CADPS2: variants seen among roughly 807,000 people sequenced by gnomAD.
CADPS2 encodes calcium dependent secretion activator 2, also known as calcium-dependent secretion activator 2.
A neutral mutation model predicts 172.5 loss-of-function variants in CADPS2; 93 were observed. The ratio of observed to expected loss-of-function variants is 0.54; its 90% CI spans 0.46 to 0.64. The LOEUF is 0.64. Among genes scored for constraint, CADPS2 ranks in the 30% least tolerant of loss-of-function variants. The pLI, the probability that CADPS2 is intolerant of heterozygous loss-of-function variation, is 0.00. For synonymous variants in CADPS2, 546 were observed against 555.2 expected, an observed-to-expected ratio of 0.98 and a Z score of 0.23; for missense variants, 1,420 against 1,565.9, an observed-to-expected ratio of 0.91 and a Z score of 1.57.
chr7:122,524,102 A>G (rs2061020773), intron 8 of CADPS2, among the ~76,000 whole-genome samples: 1 of 152,212 alleles, frequency 6.6e-6, no homozygotes, highest in Non-Finnish European at 1.5e-5. Context: ...TACTCTATTA[A>G]GCTTTCCTTT....
intron 8 of CADPS2, among the ~76,000 whole-genome samples, chr7:122,517,638 T>G (rs2060476919): frequency 6.6e-6 from 1 of 152,060 alleles, no homozygotes; most frequent in Admixed American, 6.6e-5. Flanking sequence ...AAGTTGAATA[T>G]TTAGAGACCA....
chr7:122,704,434 G>A (rs533386931), intron 2 of CADPS2, among the ~76,000 whole-genome samples: 19 of 151,404 alleles, frequency 1.3e-4, no homozygotes, highest in Non-Finnish European at 2.2e-4. Context: ...TTAAGAAGAC[G>A]GTTTAACATC....
At chr7:122,881,377 C>T (rs1048008308) in intron 1 of CADPS2, among the ~76,000 whole-genome samples, 4 of 152,144 alleles carry the variant, frequency 2.6e-5, no homozygotes, top group African/African-American at 7.2e-5. Flanking sequence ...AAATTAAGTG[C>T]TGTGGTCTCA....
chr7:122,594,095 A>AT (rs1301979372), intron 6 of CADPS2, among the ~76,000 whole-genome samples: 11 of 152,014 alleles, frequency 7.2e-5, no homozygotes, highest in African/African-American at 2.7e-4. Flanking sequence ...ACTGAATAAA[A>AT]TTTTTTATTA....
In CADPS2 at chr7:122,361,007, A is replaced by T. The variant is rs753764550; in HGVS notation, c.3394T>A (p.Ser1132Thr). The change falls in exon 26 of 30, where the codon TCA becomes ACA. Residue 1132 changes from serine (S) to threonine (T), a missense_variant. Physicochemically the swap from Ser to Thr is moderately conservative, Grantham distance 58. Coordinates refer to ENST00000449022, the MANE Select transcript of CADPS2 (RefSeq NM_017954.11). ...IISLLVSKFV[S>T]VLEGVLSKLS... The stretch of plus-strand genomic sequence containing the variant: ...TTAGACAACACGCCTTCCAACACTG[A>T]AACAAACTATAATACAGTTATAGTG... The T allele has an allele frequency of 2.5e-6, 4 of 1,613,008 alleles. No individual in the cohort carries two copies. The African/African-American group carries it at 4.0e-5, about 16-fold the overall frequency.
intron 2 of CADPS2, among the ~76,000 whole-genome samples, chr7:122,712,437 C>G (rs376420305): frequency 4.6e-5 from 7 of 152,256 alleles, no homozygotes; most frequent in African/African-American, 1.7e-4. Flanking sequence ...TTTATCAAGA[C>G]CCTACTATGT....
intron 14 of CADPS2, among the ~76,000 whole-genome samples, chr7:122,461,655 C>T (rs535517924): frequency 2.0e-5 from 3 of 151,888 alleles, no homozygotes; most frequent in Admixed American, 6.6e-5. Context: ...AGTGTAGTGG[C>T]GCCATCTCGG....
At chr7:122,773,053 A>G (rs2093752776) in intron 1 of CADPS2, among the ~76,000 whole-genome samples, 1 of 152,260 alleles carries the variant, frequency 6.6e-6, no homozygotes, top group South Asian at 2.1e-4. Context: ...AGATCTCAGT[A>G]TAATGAAGGT....
intron 3 of CADPS2, among the ~76,000 whole-genome samples, chr7:122,631,814 T>C (rs1358989884): frequency 6.6e-6 from 1 of 152,036 alleles, no homozygotes; most frequent in Admixed American, 6.6e-5. Flanking sequence ...GTGGTGAGCA[T>C]AGTATCCAAT....
At chr7:122,538,498 G>A (rs115153675) in intron 8 of CADPS2, among the ~76,000 whole-genome samples, 5,085 of 149,838 alleles carry the variant, frequency 0.034, 268 homozygotes, top group African/African-American at 0.12. Context: ...AAAAATTTTC[G>A]TAACATTTAA....
intron 22 of CADPS2, among the ~76,000 whole-genome samples, chr7:122,391,276 C>T (rs190232822): frequency 5.9e-4 from 90 of 152,098 alleles, no homozygotes; most frequent in African/African-American, 2.1e-3. Context: ...GGTGAAAGCA[C>T]AATCACTTTA....
chr7:122,736,729 C>G (rs1419578929), intron 2 of CADPS2, among the ~76,000 whole-genome samples: 1 of 152,136 alleles, frequency 6.6e-6, no homozygotes, highest in East Asian at 1.9e-4. Flanking sequence ...GTTTACTTCT[C>G]CTCAAAAGAT....
intron 1 of CADPS2, among the ~76,000 whole-genome samples, chr7:122,836,645 A>G (rs574587593): frequency 6.6e-5 from 10 of 152,354 alleles, no homozygotes; most frequent in South Asian, 6.2e-4. Flanking sequence ...CTGATAAAAC[A>G]GACTTTAAAC....
In CADPS2 at chr7:122,617,228, G is replaced by A. The variant is rs948502582; in HGVS notation, c.1105-1929C>T. Among the ~76,000 whole-genome samples, 5 of 152,084 alleles carry A rather than the reference G, an allele frequency of 3.3e-5. 1 individual carries two copies. Among genetic ancestry groups the A allele is most frequent in the Admixed American group, 1.3e-4 (2 of 15,276 alleles). On this transcript the variant is annotated intron_variant, in intron 5 of 29. Transcript: ENST00000449022. Reference sequence around the variant, plus strand: ...CAATACTTCCAACTGTGCTGGGAACGTTTTACCCTGCAGAATCGTCATTTT... The same window carrying A: ...CAATACTTCCAACTGTGCTGGGAACATTTTACCCTGCAGAATCGTCATTTT...
At chr7:122,598,121 T>A (rs903215877) in intron 6 of CADPS2, among the ~76,000 whole-genome samples, 4 of 152,074 alleles carry the variant, frequency 2.6e-5, no homozygotes, top group African/African-American at 9.7e-5. Flanking sequence ...GTTTTGTGAG[T>A]CCTTATTTCC....
intron 1 of CADPS2, among the ~76,000 whole-genome samples, chr7:122,861,627 T>G (rs979978801): frequency 1.3e-5 from 2 of 152,230 alleles, no homozygotes; most frequent in African/African-American, 4.8e-5. Context: ...TTTGCCATAG[T>G]CAACAATAAT....
At chr7:122,570,611 T>C (rs1020785686) in intron 7 of CADPS2, among the ~76,000 whole-genome samples, 1 of 149,976 alleles carries the variant, frequency 6.7e-6, no homozygotes, top group African/African-American at 2.5e-5. Context: ...CTATTCACAA[T>C]AGCAAAGACT....
At chr7:122,539,777 T>C (rs376728409) in intron 8 of CADPS2, among the ~76,000 whole-genome samples, 80 of 94,134 alleles carry the variant, frequency 8.5e-4, no homozygotes, top group African/African-American at 2.4e-3. Flanking sequence ...GTCTCTCTCT[T>C]TCTGTTTCTC....
chr7:122,446,653 T>C (rs1429586607), intron 15 of CADPS2, among the ~76,000 whole-genome samples: 1 of 152,196 alleles, frequency 6.6e-6, no homozygotes, highest in Non-Finnish European at 1.5e-5. Context: ...AAATGATCAA[T>C]ACTTAACAGG....
Sources: allele counts gnomAD v4.1 joint callset (sites outside exome capture counted in the v4.1 genomes callset), GRCh38; gene constraint gnomAD v4.1.1; transcripts MANE v1.5; gene names NCBI Gene and HGNC (gene_info 2026-07-23, HGNC 2026-07-21).